TIRAP: variants seen among roughly 807,000 people sequenced by gnomAD.
The protein encoded by TIRAP is TIR domain containing adaptor protein, also known as toll/interleukin-1 receptor domain-containing adapter protein.
TIRAP carries 20 observed loss-of-function variants against 19.8 expected under a neutral mutation model. The observed-to-expected ratio is 1.01, with a 90% CI of 0.71 to 1.47. The LOEUF (loss-of-function observed/expected upper bound fraction) is 1.47, where lower values mean the gene tolerates loss of function less well. TIRAP is among the 40% of genes most tolerant of loss of function. TIRAP has a pLI of 0.00. For synonymous variants in TIRAP, 125 were observed against 121.7 expected (o/e 1.03, Z -0.18); for missense variants, 276 against 285.1 (o/e 0.97, Z 0.23).
chr11:126,291,927 T>C lies in TIRAP; in HGVS notation c.68-550T>C, dbSNP rs1951394532. ...TCTCTTAACCAGGCTGGTGGAACAC[T>C]CTCACATAAGGATTCCAGAGTTCTG... On this transcript the variant is annotated intron_variant, in intron 3 of 4. Coordinates refer to ENST00000392679, the MANE Select transcript of TIRAP (RefSeq NM_001318777.2). The surrounding 1 kb of genome is among the most constrained non-coding windows in gnomAD (Gnocchi z 5.6). Among the ~76,000 whole-genome samples the C allele has an allele frequency of 6.6e-6, 1 of 151,978 alleles. No individual in the cohort carries two copies. Among genetic ancestry groups the C allele is most frequent in the Non-Finnish European group, 1.5e-5 (1 of 68,010 alleles).
chr11:126,292,020 A>G (rs1951395611), intron 3 of TIRAP, among the ~76,000 whole-genome samples: 1 of 151,980 alleles, frequency 6.6e-6, no homozygotes, highest in Non-Finnish European at 1.5e-5. Context: ...CAAAAATAGC[A>G]GAGTGCTGGG....
Position 126,291,610 on chromosome 11 carries a change from C to T in TIRAP, c.67+649C>T. ...CGAAGCTCTCTGCTCCTCAGCAACT[C>T]TGAGCAGTAGCCTCTTCCCCATTTA... On this transcript the variant is annotated intron_variant, in intron 3 of 4. Coordinates refer to ENST00000392679, the MANE Select transcript of TIRAP (RefSeq NM_001318777.2). The surrounding 1 kb of genome is among the most constrained non-coding windows in gnomAD (Gnocchi z 5.6). 4.5e-6 allele frequency: 2 copies of T among 447,732 alleles called. No homozygotes were observed. 27.7% of individuals were successfully genotyped at this position (447,732 alleles called of 1,614,324 possible). A position where few individuals can be genotyped will look rare whatever the true frequency, so the allele number is the denominator to read the frequency against.
chr11:126,289,810 T>C, intron 1 of TIRAP: 3 of 985,396 alleles, frequency 3.0e-6, no homozygotes, highest in Non-Finnish European at 3.6e-6. Context: ...ACATCCTCTG[T>C]CACTACGGTG....
intron 1 of TIRAP, among the ~76,000 whole-genome samples, chr11:126,285,637 GA>G (rs1325844683): frequency 6.6e-6 from 1 of 152,110 alleles, no homozygotes; most frequent in Non-Finnish European, 1.5e-5. Context: ...TTGATGAACA[GA>G]AGTTCTTCAT....
intron 1 of TIRAP, among the ~76,000 whole-genome samples, chr11:126,286,887 G>C (rs928717832): frequency 6.6e-6 from 1 of 152,190 alleles, no homozygotes; most frequent in Non-Finnish European, 1.5e-5. Flanking sequence ...AAGGCTCCAG[G>C]AAAGAACCCA....
At chr11:126,285,288 C>T (rs962963986) in intron 1 of TIRAP, among the ~76,000 whole-genome samples, 5 of 131,514 alleles carry the variant, frequency 3.8e-5, no homozygotes, top group Non-Finnish European at 6.5e-5. Flanking sequence ...ATTTTTGAGA[C>T]GGAGTCTCTG....
chr11:126,292,656 A>G lies in TIRAP; in HGVS notation c.247A>G (p.Ser83Gly), dbSNP rs1591374350. Residue 83 changes from serine (S) to glycine (G), a missense_variant, in exon 4 of 5, where the codon AGC becomes GGC. Physicochemically the swap from Ser to Gly is moderately conservative, Grantham distance 56. Coordinates refer to ENST00000392679, the MANE Select transcript of TIRAP (RefSeq NM_001318777.2). ...HASDSGSSRW[S>G]KDYDVCVCHS... The stretch of plus-strand genomic sequence containing the variant: ...GAGTGACAGTGGCAGTAGTCGCTGG[A>G]GCAAAGACTATGACGTCTGCGTGTG... 1 of 1,614,068 alleles carries G rather than the reference A, an allele frequency of 6.2e-7. No individual in the cohort carries two copies. The highest frequency in any genetic ancestry group is 8.5e-7 in the Non-Finnish European group (1 of 1,179,994).
intron 4 of TIRAP, 104 bp downstream of exon 4, chr11:126,293,159 G>A (rs1951429208): frequency 1.3e-6 from 2 of 1,579,572 alleles, no homozygotes; most frequent in African/African-American, 2.7e-5. Flanking sequence ...TCAAAGCGCA[G>A]CTTCTGGAAA....
chr11:126,291,266 GT>G lies in TIRAP; in HGVS notation c.67+307del. ...ACTGTCTCTTGTCGTCCAAATCTTT[GT>G]TCCAGAACCATTTAGAGGAGAAGCC... On this transcript the variant is annotated intron_variant, in intron 3 of 4. Coordinates refer to ENST00000392679, the MANE Select transcript of TIRAP (RefSeq NM_001318777.2). The surrounding 1 kb of genome is among the most constrained non-coding windows in gnomAD (Gnocchi z 5.6). 9.0e-6 allele frequency: 5 copies of G among 555,406 alleles called. No homozygotes were observed. The South Asian group carries it at 9.2e-5, about 10-fold the overall frequency. The allele number at this position is 555,406 out of a possible 1,614,324, so 34.4% of individuals were successfully genotyped here.
At position 126,291,001 on chromosome 11, in the gene TIRAP, G is replaced by GT; in HGVS notation, c.67+41dup. On this transcript the variant is annotated intron_variant, in intron 3 of 4. Coordinates refer to ENST00000392679, the MANE Select transcript of TIRAP (RefSeq NM_001318777.2). The surrounding 1 kb of genome is among the most constrained non-coding windows in gnomAD (Gnocchi z 5.6). ...ACTCGCGACTCTGCTGTGTTCCTGAGTGTAGTGCTCAGCCTCCATAGGGCG... is the reference window on the plus strand; with the variant it reads ...ACTCGCGACTCTGCTGTGTTCCTGAGTTGTAGTGCTCAGCCTCCATAGGGCG... 1 of 1,580,734 alleles carries GT rather than the reference G, an allele frequency of 6.3e-7. No individual in the cohort carries two copies. The highest frequency in any genetic ancestry group is 8.6e-7 in the Non-Finnish European group (1 of 1,162,318).
chr11:126,283,216 C>A, intron 1 of TIRAP, 63 bp downstream of exon 1: 1 of 907,306 alleles, frequency 1.1e-6, no homozygotes, highest in Non-Finnish European at 1.3e-6. Context: ...GGGTGGGCGA[C>A]GGAGCGCGGC....
In TIRAP at chr11:126,288,728, G is replaced by A. The variant is rs1458545541; in HGVS notation, c.-216-1734G>A. Among the ~76,000 whole-genome samples the A allele has an allele frequency of 2.0e-5, 3 of 152,114 alleles. No individual in the cohort carries two copies. The highest frequency in any genetic ancestry group is 7.2e-5 in the African/African-American group (3 of 41,418). On this transcript the variant is annotated intron_variant, in intron 1 of 4. Transcript: ENST00000392679. This position sits in a 1 kb window ranked among gnomAD's most constrained non-coding sequence, Gnocchi z 5.0. ...CCAATTAGCATGCGTTGCCAAAAGG[G>A]CAAGTCATTTCATAAAATGAGAAAC...
In TIRAP at chr11:126,285,527, C is replaced by T. The variant is rs549504346; in HGVS notation, c.-217+2374C>T. On this transcript the variant is annotated intron_variant, in intron 1 of 4. Coordinates refer to ENST00000392679, the MANE Select transcript of TIRAP (RefSeq NM_001318777.2). ...CGCCCGCCTCGGCCTCCCAAAGTGCCGGGATTACAGGTGTGAGCCACTGTG... is the reference window on the plus strand; with the variant it reads ...CGCCCGCCTCGGCCTCCCAAAGTGCTGGGATTACAGGTGTGAGCCACTGTG... Among the ~76,000 whole-genome samples, 15 of 151,398 alleles carry T rather than the reference C, an allele frequency of 9.9e-5. No individual in the cohort carries two copies. In the South Asian group the frequency reaches 2.1e-3, roughly 21 times the overall value.
rs1951380787 is a variant in TIRAP, at chr11:126,291,231, A to G, written c.67+270A>G. The G allele has an allele frequency of 1.7e-6, 1 of 580,042 alleles. No individual in the cohort carries two copies. The highest frequency in any genetic ancestry group is 3.0e-6 in the Non-Finnish European group (1 of 333,402). The allele number at this position is 580,042 out of a possible 1,614,324, so 35.9% of individuals were successfully genotyped here. ...TCCTAGCCTGGAAACCACTGTGCTG[A>G]GTGCTTAACACTGTCTCTTGTCGTC... On this transcript the variant is annotated intron_variant, in intron 3 of 4. Coordinates refer to ENST00000392679, the MANE Select transcript of TIRAP (RefSeq NM_001318777.2). The surrounding 1 kb of genome is among the most constrained non-coding windows in gnomAD (Gnocchi z 5.6).
At chr11:126,286,114 C>G (rs1048388297) in intron 1 of TIRAP, among the ~76,000 whole-genome samples, 8 of 150,496 alleles carry the variant, frequency 5.3e-5, no homozygotes, top group Non-Finnish European at 7.4e-5. Flanking sequence ...TATGTAATCC[C>G]AGCACTTTGG....
intron 3 of TIRAP, among the ~76,000 whole-genome samples, chr11:126,292,090 G>C (rs1004567369): frequency 6.6e-6 from 1 of 151,954 alleles, no homozygotes; most frequent in Non-Finnish European, 1.5e-5. Flanking sequence ...CAGATCATGA[G>C]GTCAGAAGTT....
At position 126,290,630 on chromosome 11, in the gene TIRAP, A is replaced by G; in HGVS notation, c.-93+45A>G. On this transcript the variant is annotated intron_variant, in intron 2 of 4. Coordinates refer to ENST00000392679, the MANE Select transcript of TIRAP (RefSeq NM_001318777.2). This position sits in a 1 kb window ranked among gnomAD's most constrained non-coding sequence, Gnocchi z 4.9. Reference sequence around the variant, plus strand: ...ACAGCTTTGGCTTTATCTAGAATCCAGCTCCAATCACAGTCGTGTCTGGCC... The same window carrying G: ...ACAGCTTTGGCTTTATCTAGAATCCGGCTCCAATCACAGTCGTGTCTGGCC... 7.9e-7 allele frequency: 1 copy of G among 1,262,162 alleles called. No individual in the cohort carries two copies. The highest frequency in any genetic ancestry group is 2.2e-5 in the South Asian group (1 of 45,360). The allele number at this position is 1,262,162 out of a possible 1,614,324, so 78.2% of individuals were successfully genotyped here.
rs1292821599 is a variant in TIRAP at position 126,288,855 on chromosome 11, C to T, written c.-216-1607C>T. On this transcript the variant is annotated intron_variant, in intron 1 of 4. Transcript: ENST00000392679. This position sits in a 1 kb window ranked among gnomAD's most constrained non-coding sequence, Gnocchi z 5.0. ...CAAATGATGCTCTAGTTTACAAGTG[C>T]ACCAAGGCCAAATAATTAATATTAA... Among the ~76,000 whole-genome samples, 2 of 152,056 alleles carry T rather than the reference C, an allele frequency of 1.3e-5. No individual in the cohort carries two copies. The highest frequency in any genetic ancestry group is 4.8e-5 in the African/African-American group (2 of 41,390).
intron 1 of TIRAP, chr11:126,289,834 G>A (rs1305978554): frequency 2.0e-6 from 2 of 985,286 alleles, no homozygotes; most frequent in African/African-American, 1.7e-5. Context: ...AAAGAACATG[G>A]CAGGTTGCCT....
Sources: allele counts gnomAD v4.1 joint callset (sites outside exome capture counted in the v4.1 genomes callset), GRCh38; gene constraint gnomAD v4.1.1; non-coding constraint Gnocchi (gnomAD v3.1); transcripts MANE v1.5; gene names NCBI Gene and HGNC (gene_info 2026-07-23, HGNC 2026-07-21).